The following METAP2 variants were observed in gnomAD, a reference collection of about 807,000 sequenced individuals.
METAP2 encodes the protein methionyl aminopeptidase 2, also known as methionine aminopeptidase 2.
A neutral mutation model predicts 59.4 loss-of-function variants in METAP2; 25 were observed. The ratio of observed to expected loss-of-function variants is 0.42; its 90% CI spans 0.31 to 0.59. The LOEUF is 0.59. Among genes scored for constraint, METAP2 ranks in the 20% least tolerant of loss-of-function variants. The probability of loss-of-function intolerance (pLI) is 0.16; values close to 1 mark genes in which losing one functional copy is unlikely to be tolerated. For synonymous variants in METAP2, 214 were observed against 194.1 expected (o/e 1.10, Z -0.85); for missense variants, 366 against 581.2 (o/e 0.63, Z 3.81).
chr12:95,503,514 C>T (rs913305697), intron 7 of METAP2, among the ~76,000 whole-genome samples: 4 of 152,078 alleles, frequency 2.6e-5, no homozygotes, highest in Admixed American at 6.5e-5. Flanking sequence ...GGTGTGTAAG[C>T]GCTGAGGTGT....
chr12:95,504,094 T>C lies in METAP2; in HGVS notation c.897T>C (p.Asp299=), dbSNP rs987983714. Residue 299 remains aspartate, a synonymous_variant, in exon 8 of 11, where the codon GAT becomes GAC. Coordinates refer to ENST00000323666, the MANE Select transcript of METAP2 (RefSeq NM_006838.4). ...CTGGAATTGATGTTCGTCTGTGTGA[T>C]GTTGGTGAGGCCATCCAAGAAGTTA... is the stretch of plus-strand genomic sequence containing the variant. ...KCAGIDVRLC[D]VGEAIQEVME... 17 of 1,613,786 alleles carry C rather than the reference T, an allele frequency of 1.1e-5. No individual in the cohort carries two copies. The highest frequency in any genetic ancestry group is 1.4e-5 in the Non-Finnish European group (16 of 1,179,842).
chr12:95,513,566 AC>A, intron 10 of METAP2, 85 bp from the exon 11 acceptor site: 1 of 1,456,432 alleles, frequency 6.9e-7, no homozygotes, highest in South Asian at 1.4e-5. Flanking sequence ...CTACTAGGAC[AC>A]AGCTAAGGTC....
Position 95,494,176 on chromosome 12 carries a change from A to G in METAP2, c.549A>G (p.Val183=), listed in dbSNP as rs780214322. The G allele has an allele frequency of 6.2e-7, 1 of 1,614,076 alleles. No homozygotes were observed. Among genetic ancestry groups the G allele is most frequent in the East Asian group, 2.2e-5 (1 of 44,856 alleles). The change falls in exon 5 of 11, where the codon GTA becomes GTG. Residue 183 remains valine, a synonymous_variant. Coordinates refer to ENST00000323666, the MANE Select transcript of METAP2 (RefSeq NM_006838.4). ...CACATCGACAAGTTAGAAAATACGTAATGAGCTGGATCAAGCCTGGGATGA... is the reference window on the plus strand; with the variant it reads ...CACATCGACAAGTTAGAAAATACGTGATGAGCTGGATCAAGCCTGGGATGA... ...AEAHRQVRKY[V]MSWIKPGMTM...
At chr12:95,496,342 T>G (rs1415492585) in intron 7 of METAP2, among the ~76,000 whole-genome samples, 1 of 152,086 alleles carries the variant, frequency 6.6e-6, no homozygotes, top group Non-Finnish European at 1.5e-5. Flanking sequence ...TAAAACAGAG[T>G]TTGGATCTAT....
At chr12:95,476,266 G>C in intron 2 of METAP2, 88 bp downstream of exon 2, 1 of 778,634 alleles carries the variant, frequency 1.3e-6, no homozygotes, top group Non-Finnish European at 2.0e-6. Context: ...CAGCACTTTG[G>C]GAGGTCGAGG....
chr12:95,493,949 T>C, intron 4 of METAP2, 107 bp from the exon 5 acceptor site: 1 of 895,840 alleles, frequency 1.1e-6, no homozygotes, highest in African/African-American at 1.7e-5. Context: ...ATAAACTGAA[T>C]ATGTACTGTA....
At chr12:95,509,780 G>C (rs1219208708) in intron 8 of METAP2, among the ~76,000 whole-genome samples, 12 of 150,600 alleles carry the variant, frequency 8.0e-5, no homozygotes, top group African/African-American at 2.4e-4. Flanking sequence ...TGCTCTAGAA[G>C]AAAGGTAGCT....
chr12:95,490,304 A>T lies in METAP2; in HGVS notation c.429-3752A>T, dbSNP rs561214603. ...TTTTTTTTTTTCTGAGCCATTTGAGATCAGACTGCATTTTCGGCTGGAATA... is the reference window on the plus strand; with the variant it reads ...TTTTTTTTTTTCTGAGCCATTTGAGTTCAGACTGCATTTTCGGCTGGAATA... On this transcript the variant is annotated intron_variant, in intron 4 of 10. Transcript: ENST00000323666. 2.1e-5 allele frequency among the ~76,000 whole-genome samples: 3 copies of T among 141,918 alleles called. No homozygotes were observed. In the East Asian group the frequency reaches 6.1e-4, roughly 29 times the overall value. The allele number at this position is 141,918 out of a possible 152,430, so 93.1% of individuals were successfully genotyped here. A position where few individuals can be genotyped will look rare whatever the true frequency, so the allele number is the denominator to read the frequency against.
At chr12:95,501,035 A>G (rs143972386) in intron 7 of METAP2, among the ~76,000 whole-genome samples, 1,696 of 124,996 alleles carry the variant, frequency 0.014, 27 homozygotes, top group African/African-American at 0.051. Context: ...TTTTTTTGAG[A>G]CAGGTCTCCC....
At chr12:95,491,005 T>C (rs1259664189) in intron 4 of METAP2, among the ~76,000 whole-genome samples, 2 of 152,150 alleles carry the variant, frequency 1.3e-5, no homozygotes, top group Non-Finnish European at 2.9e-5. Context: ...CATATTCTGC[T>C]ACATTAGATG....
chr12:95,479,243 T>C (rs574687483), intron 2 of METAP2, among the ~76,000 whole-genome samples: 36 of 152,222 alleles, frequency 2.4e-4, no homozygotes, highest in African/African-American at 7.5e-4. Context: ...TAGTCATAAA[T>C]AGGCATGGAG....
chr12:95,503,392 G>T (rs886753655), intron 7 of METAP2, among the ~76,000 whole-genome samples: 1 of 152,162 alleles, frequency 6.6e-6, no homozygotes, highest in Admixed American at 6.6e-5. Context: ...GGGCCCCAGA[G>T]GGGGAGAACA....
Position 95,515,333 on chromosome 12 carries a change from A to G in METAP2, c.*1429A>G, listed in dbSNP as rs745708480. On this transcript the variant is annotated 3_prime_UTR_variant, in exon 11 of 11. Transcript: ENST00000323666. ...ATGAGCTATGTTTATTATGGTGCTA[A>G]TGTTCAGTAGCCACATTTGACTAAT... The G allele has an allele frequency of 6.6e-6, 1 of 152,298 alleles. No homozygotes were observed. The highest frequency in any genetic ancestry group is 1.5e-5 in the Non-Finnish European group (1 of 68,034). 9.4% of individuals were successfully genotyped at this position (152,298 alleles called of 1,614,324 possible). A position where few individuals can be genotyped will look rare whatever the true frequency, so the allele number is the denominator to read the frequency against.
chr12:95,476,584 G>A (rs1365567764), intron 2 of METAP2, among the ~76,000 whole-genome samples: 1 of 151,928 alleles, frequency 6.6e-6, no homozygotes, highest in East Asian at 1.9e-4. Context: ...TTATTTACTC[G>A]TATAGTGTTT....
At chr12:95,488,791 C>A (rs185370631) in intron 4 of METAP2, among the ~76,000 whole-genome samples, 2 of 152,176 alleles carry the variant, frequency 1.3e-5, no homozygotes, top group Admixed American at 1.3e-4. Context: ...CTCCACTGAT[C>A]TGTTTCTTCT....
intron 8 of METAP2, among the ~76,000 whole-genome samples, chr12:95,511,418 C>T (rs1283100575): frequency 6.0e-5 from 5 of 83,022 alleles, no homozygotes; most frequent in African/African-American, 9.4e-5. Context: ...TTTTTTGAGA[C>T]GGAGTTGCTT....
At chr12:95,501,007 ATTTTTTTTT>A (rs540202398) in intron 7 of METAP2, among the ~76,000 whole-genome samples, 2 of 103,536 alleles carry the variant, frequency 1.9e-5, no homozygotes, top group African/African-American at 3.7e-5. Context: ...CTTTGTTGGG[ATTTTTTTTT>A]TTTTTTTTTT....
At chr12:95,489,832 C>CT (rs1191764026) in intron 4 of METAP2, among the ~76,000 whole-genome samples, 55 of 152,242 alleles carry the variant, frequency 3.6e-4, no homozygotes, top group Non-Finnish European at 3.7e-4. Flanking sequence ...GAGTGAAACT[C>CT]TGTCTCAGAA....
intron 1 of METAP2, among the ~76,000 whole-genome samples, chr12:95,475,392 C>G (rs1208157381): frequency 1.3e-5 from 2 of 152,146 alleles, no homozygotes; most frequent in African/African-American, 4.8e-5. Flanking sequence ...GAAATTCAAA[C>G]ACTGCTGTTT....
Sources: gnomAD v4.1 joint callset for allele counts (sites outside exome capture counted in the v4.1 genomes callset) on GRCh38, gnomAD v4.1.1 for gene constraint, MANE v1.5 for transcripts, NCBI Gene and HGNC (gene_info 2026-07-23, HGNC 2026-07-21) for gene names.